The following B3GAT2 variants were observed in gnomAD, a reference collection of about 807,000 sequenced individuals.
B3GAT2 encodes the protein galactosylgalactosylxylosylprotein 3-beta-glucuronosyltransferase 2.
B3GAT2 carries 26 observed loss-of-function variants against 27.8 expected under a neutral mutation model. That is an observed-to-expected ratio of 0.93 (90% CI 0.68 to 1.30). B3GAT2 has a LOEUF of 1.30. B3GAT2 is among the 50% of genes most tolerant of loss of function. B3GAT2 has a pLI of 0.00. For synonymous variants in B3GAT2, 218 were observed against 195.1 expected (o/e 1.12, Z -0.98); for missense variants, 458 against 459.0 (o/e 1.00, Z 0.02).
intron 1 of B3GAT2, among the ~76,000 whole-genome samples, chr6:70,947,774 G>A (rs371249293): frequency 7.2e-5 from 11 of 151,766 alleles, no homozygotes; most frequent in African/African-American, 1.9e-4. Flanking sequence ...CAGAGACACA[G>A]CCAAAAAAGA....
chr6:70,949,329 A>G (rs1260836166), intron 1 of B3GAT2, among the ~76,000 whole-genome samples: 3 of 152,216 alleles, frequency 2.0e-5, no homozygotes, highest in Non-Finnish European at 4.4e-5. Context: ...TAATATCCAG[A>G]ATCTACAATG....
intron 1 of B3GAT2, among the ~76,000 whole-genome samples, chr6:70,901,795 T>G (rs537062600): frequency 1.3e-5 from 2 of 152,306 alleles, no homozygotes; most frequent in South Asian, 4.1e-4. Flanking sequence ...ACAGATCAAA[T>G]GGGCCACGCA....
In B3GAT2 at chr6:70,860,437, C is replaced by T. The variant is rs953611022; in HGVS notation, c.*1226G>A. 7.3e-7 allele frequency: 1 copy of T among 1,366,870 alleles called. No individual in the cohort carries two copies. Among genetic ancestry groups the T allele is most frequent in the Non-Finnish European group, 9.9e-7 (1 of 1,013,192 alleles). 84.7% of individuals were successfully genotyped at this position (1,366,870 alleles called of 1,614,324 possible). ...ATATGCATATTTTTTTTCTTTTTAC[C>T]CATTTGTTCATATTAAGAATGATCT... On this transcript the variant is annotated 3_prime_UTR_variant, in exon 4 of 4. Coordinates refer to ENST00000230053, the MANE Select transcript of B3GAT2 (RefSeq NM_080742.3).
intron 2 of B3GAT2, among the ~76,000 whole-genome samples, chr6:70,889,183 C>G (rs547157652): frequency 6.6e-6 from 1 of 152,298 alleles, no homozygotes; most frequent in South Asian, 2.1e-4. Flanking sequence ...TCAGAGGTGA[C>G]TCTATCTAGG....
At chr6:70,902,066 C>T (rs1582368002) in intron 1 of B3GAT2, among the ~76,000 whole-genome samples, 1 of 152,118 alleles carries the variant, frequency 6.6e-6, no homozygotes, top group African/African-American at 2.4e-5. Context: ...ATGTTACTTG[C>T]TTTAGGTCAT....
At chr6:70,899,643 G>T (rs960352347) in intron 1 of B3GAT2, among the ~76,000 whole-genome samples, 1 of 152,300 alleles carries the variant, frequency 6.6e-6, no homozygotes, top group East Asian at 1.9e-4. Flanking sequence ...CATGCAGAAT[G>T]CTTCATCACA....
chr6:70,860,394 T>C lies in B3GAT2; in HGVS notation c.*1269A>G. The stretch of plus-strand genomic sequence containing the variant: ...CTGACATTCCTTGCTGAAACGCATC[T>C]AGTTCCCCTGTTTATTCATATGCAT... On this transcript the variant is annotated 3_prime_UTR_variant, in exon 4 of 4. Transcript: ENST00000230053. 1 of 1,554,820 alleles carries C rather than the reference T, an allele frequency of 6.4e-7. No homozygotes were observed. Among genetic ancestry groups the C allele is most frequent in the Non-Finnish European group, 8.7e-7 (1 of 1,152,800 alleles).
At chr6:70,896,208 G>A (rs987737907) in intron 1 of B3GAT2, among the ~76,000 whole-genome samples, 61 of 151,988 alleles carry the variant, frequency 4.0e-4, no homozygotes, top group African/African-American at 1.4e-3. Flanking sequence ...GAGGGAGGGA[G>A]GGAACACAGA....
chr6:70,929,077 G>C (rs1323287481), intron 1 of B3GAT2, among the ~76,000 whole-genome samples: 1 of 152,046 alleles, frequency 6.6e-6, no homozygotes, highest in Non-Finnish European at 1.5e-5. Flanking sequence ...GGATGAAGCT[G>C]GAAACCATCA....
chr6:70,869,060 A>C (rs1771895548), intron 2 of B3GAT2, among the ~76,000 whole-genome samples: 1 of 152,194 alleles, frequency 6.6e-6, no homozygotes, highest in African/African-American at 2.4e-5. Flanking sequence ...TTTCCCATTG[A>C]ACTGTCTTAG....
chr6:70,925,028 C>T (rs1210544607), intron 1 of B3GAT2, among the ~76,000 whole-genome samples: 2 of 152,240 alleles, frequency 1.3e-5, no homozygotes, highest in African/African-American at 4.8e-5. Flanking sequence ...ACCTGCCAAC[C>T]AGTCCTGCGG....
At chr6:70,912,429 T>C (rs1582375486) in intron 1 of B3GAT2, among the ~76,000 whole-genome samples, 1 of 152,150 alleles carries the variant, frequency 6.6e-6, no homozygotes, top group Admixed American at 6.6e-5. Context: ...ATGAATCATA[T>C]TTATTGATTT....
At chr6:70,928,540 A>G (rs930192202) in intron 1 of B3GAT2, among the ~76,000 whole-genome samples, 9 of 152,348 alleles carry the variant, frequency 5.9e-5, no homozygotes, top group African/African-American at 1.9e-4. Context: ...AACTACCATC[A>G]GAGAATACTA....
chr6:70,937,687 T>G (rs1177025176), intron 1 of B3GAT2, among the ~76,000 whole-genome samples: 2 of 151,924 alleles, frequency 1.3e-5, no homozygotes, highest in Admixed American at 1.3e-4. Flanking sequence ...AAAAGGCCTT[T>G]GACAAAATTC....
chr6:70,899,427 C>T (rs1305420868), intron 1 of B3GAT2, among the ~76,000 whole-genome samples: 1 of 152,216 alleles, frequency 6.6e-6, no homozygotes, highest in Non-Finnish European at 1.5e-5. Context: ...CTCCAAATTA[C>T]TGAGAGCAGC....
chr6:70,884,497 A>G (rs1772151529), intron 2 of B3GAT2, among the ~76,000 whole-genome samples: 1 of 152,124 alleles, frequency 6.6e-6, no homozygotes, highest in African/African-American at 2.4e-5. Context: ...GCGCCCTCCT[A>G]GTGTACTCCC....
At chr6:70,922,798 G>A (rs1362811488) in intron 1 of B3GAT2, among the ~76,000 whole-genome samples, 2 of 151,938 alleles carry the variant, frequency 1.3e-5, no homozygotes, top group African/African-American at 2.4e-5. Context: ...CAAAAATAAA[G>A]GAAGGAAATA....
At position 70,893,379 on chromosome 6, in the gene B3GAT2, T is replaced by A. The variant is rs111291974; in HGVS notation, c.736+749A>T. Among the ~76,000 whole-genome samples, 978 of 151,754 alleles carry A rather than the reference T, an allele frequency of 6.4e-3. 9 individuals carry two copies. The highest frequency in any genetic ancestry group is 0.023 in the African/African-American group (944 of 41,498). ...CAATTTTGAAGCCTTTCTGCCTTCA[T>A]TTTTAAGAGTATAGATGTCACCGAA... On this transcript the variant is annotated intron_variant, in intron 2 of 3. Coordinates refer to ENST00000230053, the MANE Select transcript of B3GAT2 (RefSeq NM_080742.3).
intron 2 of B3GAT2, among the ~76,000 whole-genome samples, chr6:70,884,007 G>A (rs1192088264): frequency 4.0e-5 from 6 of 149,330 alleles, no homozygotes; most frequent in Non-Finnish European, 4.4e-5. Flanking sequence ...AGACGATAAC[G>A]AGCCACAGGA....
Sources: allele counts gnomAD v4.1 joint callset (sites outside exome capture counted in the v4.1 genomes callset), GRCh38; gene constraint gnomAD v4.1.1; transcripts MANE v1.5; gene names NCBI Gene and HGNC (gene_info 2026-07-23, HGNC 2026-07-21).